Variants in NHEJ1 observed in about 807,000 individuals in gnomAD.
The protein encoded by NHEJ1 is non-homologous end joining factor 1, also known as non-homologous end-joining factor 1.
Under a neutral mutation model 39.4 loss-of-function variants are expected in NHEJ1, and 22 were observed. That is an observed-to-expected ratio of 0.56 (90% CI 0.40 to 0.80). NHEJ1 has a LOEUF of 0.80. Ranked by LOEUF, NHEJ1 falls within the 30% of genes least tolerant of loss-of-function variation. NHEJ1 has a pLI of 0.00. For missense variants in NHEJ1, 329 were observed against 357.1 expected (o/e 0.92, Z 0.63); for synonymous variants, 154 against 135.6 (o/e 1.14, Z -0.94).
chr2:219,077,986 A>C (rs144476234), intron 6 of NHEJ1, 103 bp downstream of exon 6: 1 of 823,194 alleles, frequency 1.2e-6, no homozygotes, highest in Non-Finnish European at 2.0e-6. Context: ...TATTAATTTA[A>C]ACTTAAATAG....
At chr2:219,143,066 G>A (rs1949706494) in intron 5 of NHEJ1, among the ~76,000 whole-genome samples, 1 of 152,160 alleles carries the variant, frequency 6.6e-6, no homozygotes, top group African/African-American at 2.4e-5. Context: ...CTCTTGCCTA[G>A]TAATAATCCC....
intron 3 of NHEJ1, among the ~76,000 whole-genome samples, chr2:219,148,879 C>CA (rs373222912): frequency 7.8e-4 from 117 of 150,262 alleles, no homozygotes; most frequent in Middle Eastern, 3.5e-3. Context: ...ACTCTACACA[C>CA]AACCCCCCCT....
intron 5 of NHEJ1, among the ~76,000 whole-genome samples, chr2:219,101,810 C>G (rs775348135): frequency 1.3e-5 from 2 of 151,360 alleles, no homozygotes; most frequent in Non-Finnish European, 2.9e-5. Context: ...ACCGCAACTT[C>G]TGCCTCCCGG....
chr2:219,082,158 T>G (rs1174910390), intron 5 of NHEJ1, among the ~76,000 whole-genome samples: 1 of 152,244 alleles, frequency 6.6e-6, no homozygotes, highest in Non-Finnish European at 1.5e-5. Flanking sequence ...TCCTCATTAC[T>G]TACTCATAGT....
intron 5 of NHEJ1, among the ~76,000 whole-genome samples, chr2:219,091,050 G>A (rs943443051): frequency 4.6e-5 from 7 of 152,158 alleles, no homozygotes; most frequent in African/African-American, 1.7e-4. Flanking sequence ...TATCTACTAT[G>A]TGCCAGGCAC....
Position 219,157,593 on chromosome 2 carries a change from G to A in NHEJ1, c.269C>T (p.Pro90Leu), listed in dbSNP as rs989302488. 1.2e-6 allele frequency: 2 copies of A among 1,614,056 alleles called. No homozygotes were observed. The highest frequency in any genetic ancestry group is 1.7e-6 in the Non-Finnish European group (2 of 1,180,048). The change falls in exon 3 of 8, where the codon CCT becomes CTT. Residue 90 changes from proline (P) to leucine (L), a missense_variant. By Grantham distance (98) the Pro-to-Leu change is moderately conservative (BLOSUM62 -3). Coordinates refer to ENST00000356853, the MANE Select transcript of NHEJ1 (RefSeq NM_024782.3). ...LRPLLKDAAH[P>L]SEATFSCDCV... is the part of the protein sequence containing the mutation. ...ATCACAGGAGAAGGTAGCTTCGCTA[G>A]GGTGAGCAGCGTCCTTCAACAATGG...
Position 219,072,038 on chromosome 2 carries a change from G to A in NHEJ1, c.*4343C>T, listed in dbSNP as rs1360770154. 1.3e-5 allele frequency among the ~76,000 whole-genome samples: 2 copies of A among 152,214 alleles called. No individual in the cohort carries two copies. The highest frequency in any genetic ancestry group is 4.8e-5 in the African/African-American group (2 of 41,464). On this transcript the variant is annotated 3_prime_UTR_variant, in exon 8 of 8. Coordinates refer to ENST00000356853, the MANE Select transcript of NHEJ1 (RefSeq NM_024782.3). ...CAAAAAAAGTCTCAGAAGATGGGAT[G>A]AAAGATCAAGAAAGATGGACTTCTA... is the stretch of plus-strand genomic sequence containing the variant.
intron 5 of NHEJ1, among the ~76,000 whole-genome samples, chr2:219,143,741 G>C (rs1455323059): frequency 6.6e-6 from 1 of 152,094 alleles, no homozygotes; most frequent in Admixed American, 6.5e-5. Context: ...TACTCTTCCT[G>C]TGCTGCCACC....
intron 3 of NHEJ1, among the ~76,000 whole-genome samples, chr2:219,153,369 A>C (rs11695689): frequency 0.5 from 76,164 of 151,586 alleles, 21,387 homozygotes; most frequent in Non-Finnish European, 0.64. Context: ...TCTCTTTCTT[A>C]CACTAAGAAA....
At chr2:219,134,600 T>C (rs1426835004) in intron 5 of NHEJ1, among the ~76,000 whole-genome samples, 1 of 152,184 alleles carries the variant, frequency 6.6e-6, no homozygotes, top group Non-Finnish European at 1.5e-5. Flanking sequence ...TAAAGATCCA[T>C]CCATTCTCAT....
intron 5 of NHEJ1, among the ~76,000 whole-genome samples, chr2:219,129,316 A>G (rs902188976): frequency 1.3e-5 from 2 of 152,194 alleles, no homozygotes; most frequent in Non-Finnish European, 2.9e-5. Flanking sequence ...AACACCTGGG[A>G]GCCTAGTTCT....
intron 3 of NHEJ1, among the ~76,000 whole-genome samples, chr2:219,151,223 G>C (rs1949792456): frequency 6.6e-6 from 1 of 151,588 alleles, no homozygotes. Flanking sequence ...AATATTTGAT[G>C]AGTTGAATTG....
chr2:219,150,262 G>T (rs751761998), intron 3 of NHEJ1, among the ~76,000 whole-genome samples: 2 of 152,168 alleles, frequency 1.3e-5, no homozygotes, highest in African/African-American at 2.4e-5. Flanking sequence ...GTTAGTGGCG[G>T]CAGCTTTTGT....
intron 5 of NHEJ1, among the ~76,000 whole-genome samples, chr2:219,142,069 A>C (rs1454457530): frequency 1.3e-5 from 2 of 152,246 alleles, no homozygotes; most frequent in Non-Finnish European, 2.9e-5. Flanking sequence ...AACTAGGCAG[A>C]ATATAACAAC....
chr2:219,122,339 G>A (rs987799555), intron 5 of NHEJ1, among the ~76,000 whole-genome samples: 3 of 152,134 alleles, frequency 2.0e-5, no homozygotes, highest in African/African-American at 7.2e-5. Context: ...CTTTATTACA[G>A]CACTCTTACT....
At position 219,091,667 on chromosome 2, in the gene NHEJ1, G is replaced by A. The variant is rs1346479341; in HGVS notation, c.589-13461C>T. 5.9e-5 allele frequency among the ~76,000 whole-genome samples: 9 copies of A among 152,128 alleles called. 1 individual carries two copies. The highest frequency in any genetic ancestry group is 1.2e-4 in the African/African-American group (5 of 41,430). ...CCTGAGGTCTAGCAATGTTGAATTC[G>A]ACTCTAGGAAATATATTCTGCTGCA... On this transcript the variant is annotated intron_variant, in intron 5 of 7. Transcript: ENST00000356853.
At chr2:219,142,821 C>T (rs1476125716) in intron 5 of NHEJ1, among the ~76,000 whole-genome samples, 1 of 152,246 alleles carries the variant, frequency 6.6e-6, no homozygotes, top group African/African-American at 2.4e-5. Context: ...TGCCAACAGG[C>T]ATCCCACCCA....
intron 5 of NHEJ1, among the ~76,000 whole-genome samples, chr2:219,094,258 A>G (rs1949186389): frequency 6.6e-6 from 1 of 152,200 alleles, no homozygotes; most frequent in Admixed American, 6.5e-5. Flanking sequence ...CATTAAAAAG[A>G]TCCCAGAAAA....
chr2:219,120,881 T>C (rs1949464940), intron 5 of NHEJ1, among the ~76,000 whole-genome samples: 2 of 152,122 alleles, frequency 1.3e-5, no homozygotes, highest in South Asian at 2.1e-4. Flanking sequence ...GACTCTACTA[T>C]ACTGATCATT....
Sources: gnomAD v4.1 joint callset for allele counts (sites outside exome capture counted in the v4.1 genomes callset) on GRCh38, gnomAD v4.1.1 for gene constraint, MANE v1.5 for transcripts, NCBI Gene and HGNC (gene_info 2026-07-23, HGNC 2026-07-21) for gene names.